SLC16A12: variants seen among roughly 807,000 people sequenced by gnomAD.
SLC16A12 encodes the protein solute carrier family 16 member 12, also known as monocarboxylate transporter 12.
Under a neutral mutation model 42.4 loss-of-function variants are expected in SLC16A12, and 17 were observed. The ratio of observed to expected loss-of-function variants is 0.40; its 90% CI spans 0.27 to 0.60. The LOEUF is 0.60. Among genes scored for constraint, SLC16A12 ranks in the 20% least tolerant of loss-of-function variants. The pLI is 0.42. For synonymous variants in SLC16A12, 224 were observed against 229.4 expected, an observed-to-expected ratio of 0.98 and a Z score of 0.21; for missense variants, 544 against 623.0, an observed-to-expected ratio of 0.87 and a Z score of 1.35.
At chr10:89,544,047 A>G (rs1843730173) in intron 2 of SLC16A12, among the ~76,000 whole-genome samples, 1 of 152,212 alleles carries the variant, frequency 6.6e-6, no homozygotes, top group Non-Finnish European at 1.5e-5. Flanking sequence ...TCACCGTATA[A>G]CACCTTTGTT....
chr10:89,468,660 C>A (rs1314332532), intron 2 of SLC16A12, among the ~76,000 whole-genome samples: 2 of 152,168 alleles, frequency 1.3e-5, no homozygotes, highest in Non-Finnish European at 2.9e-5. Context: ...CAAAACAGGT[C>A]ATTTAATAGA....
intron 2 of SLC16A12, among the ~76,000 whole-genome samples, chr10:89,518,930 A>G (rs185186492): frequency 4.1e-4 from 63 of 152,354 alleles, no homozygotes; most frequent in African/African-American, 1.5e-3. Context: ...AAAACAAAAT[A>G]TAAATACTCA....
intron 2 of SLC16A12, among the ~76,000 whole-genome samples, chr10:89,544,430 T>C (rs1216805543): frequency 6.6e-6 from 1 of 152,216 alleles, no homozygotes; most frequent in Non-Finnish European, 1.5e-5. Flanking sequence ...TTGGATCAGT[T>C]CGATCTACTG....
intron 2 of SLC16A12, among the ~76,000 whole-genome samples, chr10:89,483,799 C>T (rs979814589): frequency 7.4e-5 from 11 of 149,518 alleles, no homozygotes; most frequent in Non-Finnish European, 1.5e-4. Flanking sequence ...ACAATTAATG[C>T]TTACATAGCA....
At chr10:89,477,506 T>C (rs1451655716) in intron 2 of SLC16A12, among the ~76,000 whole-genome samples, 3 of 148,032 alleles carry the variant, frequency 2.0e-5, no homozygotes, top group Admixed American at 1.4e-4. Flanking sequence ...GGAGGTTGCG[T>C]TGAGCCGAGA....
chr10:89,545,794 T>C (rs1002289797), intron 2 of SLC16A12, among the ~76,000 whole-genome samples: 2 of 152,180 alleles, frequency 1.3e-5, no homozygotes, highest in South Asian at 2.1e-4. Flanking sequence ...ACTACCTGAC[T>C]TCAAACTATA....
chr10:89,515,671 T>C (rs1298972133), intron 2 of SLC16A12, among the ~76,000 whole-genome samples: 5 of 152,182 alleles, frequency 3.3e-5, no homozygotes, highest in Admixed American at 3.3e-4. Context: ...AGTCACAGTG[T>C]AGAAAGCCCT....
intron 2 of SLC16A12, among the ~76,000 whole-genome samples, chr10:89,509,990 G>T (rs964552656): frequency 5.3e-5 from 8 of 152,142 alleles, no homozygotes; most frequent in African/African-American, 1.9e-4. Flanking sequence ...ATTCACAATT[G>T]CTACAAAGAG....
intron 2 of SLC16A12, among the ~76,000 whole-genome samples, chr10:89,505,334 A>C (rs1429741578): frequency 6.6e-6 from 1 of 151,850 alleles, no homozygotes; most frequent in Non-Finnish European, 1.5e-5. Flanking sequence ...AGAATCTCTT[A>C]AACCTGGGAG....
upstream of SLC16A12, among the ~76,000 whole-genome samples, chr10:89,537,145 GTTT>G (rs376769096): frequency 1.9e-5 from 2 of 105,640 alleles, no homozygotes; most frequent in African/African-American, 3.7e-5. Context: ...CCGTAGGTAT[GTTT>G]TTTTTTTTTT....
At chr10:89,464,259 T>G (rs1170193372) in intron 2 of SLC16A12, among the ~76,000 whole-genome samples, 1 of 152,138 alleles carries the variant, frequency 6.6e-6, no homozygotes, top group Non-Finnish European at 1.5e-5. Flanking sequence ...GAGCCTCCAG[T>G]TAAGGACAGT....
intron 5 of SLC16A12, among the ~76,000 whole-genome samples, chr10:89,440,277 G>A (rs1050185484): frequency 2.0e-5 from 3 of 152,116 alleles, no homozygotes; most frequent in African/African-American, 7.2e-5. Flanking sequence ...GTTTCTGGAT[G>A]TGGGACTTCC....
chr10:89,446,914 T>A (rs1163733803), intron 3 of SLC16A12, among the ~76,000 whole-genome samples: 1 of 151,720 alleles, frequency 6.6e-6, no homozygotes, highest in Non-Finnish European at 1.5e-5. Context: ...TGGAGGAAGA[T>A]CTACCAAGCA....
intron 2 of SLC16A12, among the ~76,000 whole-genome samples, chr10:89,496,085 C>A (rs918670694): frequency 5.3e-5 from 8 of 151,910 alleles, no homozygotes; most frequent in Non-Finnish European, 1.2e-4. Context: ...AAATTATTAA[C>A]ATAACTAATA....
At chr10:89,517,045 AGACTCCC>A (rs1843264435) in intron 2 of SLC16A12, among the ~76,000 whole-genome samples, 1 of 152,084 alleles carries the variant, frequency 6.6e-6, no homozygotes. Flanking sequence ...CAACGCAACA[AGACTCCC>A]ATCTCTACAA....
At chr10:89,552,020 C>T (rs771637258) in intron 2 of SLC16A12, among the ~76,000 whole-genome samples, 3 of 152,210 alleles carry the variant, frequency 2.0e-5, no homozygotes, top group Non-Finnish European at 4.4e-5. Context: ...ACTGCAACCT[C>T]CACTTCCCAG....
At chr10:89,477,157 C>T (rs1440256215) in intron 2 of SLC16A12, among the ~76,000 whole-genome samples, 1 of 152,200 alleles carries the variant, frequency 6.6e-6, no homozygotes, top group Non-Finnish European at 1.5e-5. Flanking sequence ...ATTGTTAAAC[C>T]AGTTCATTCC....
chr10:89,495,481 G>T (rs115096184), intron 2 of SLC16A12, among the ~76,000 whole-genome samples: 9 of 152,346 alleles, frequency 5.9e-5, no homozygotes, highest in African/African-American at 2.2e-4. Context: ...ACCCTTGGGA[G>T]TGTTACTCAG....
At chr10:89,444,728 A>T (rs1233082647) in intron 3 of SLC16A12, among the ~76,000 whole-genome samples, 2 of 152,178 alleles carry the variant, frequency 1.3e-5, no homozygotes, top group Non-Finnish European at 2.9e-5. Flanking sequence ...CAACTGAGGT[A>T]CCTGGTTCAT....
Sources: gnomAD v4.1 joint callset for allele counts (sites outside exome capture counted in the v4.1 genomes callset) on GRCh38, gnomAD v4.1.1 for gene constraint, MANE v1.5 for transcripts, NCBI Gene and HGNC (gene_info 2026-07-23, HGNC 2026-07-21) for gene names.